The following CADPS variants were observed in gnomAD, a reference collection of about 807,000 sequenced individuals.
CADPS encodes the protein calcium dependent secretion activator, also known as calcium-dependent secretion activator 1.
CADPS carries 57 observed loss-of-function variants against 167.3 expected under a neutral mutation model. The ratio of observed to expected loss-of-function variants is 0.34; its 90% CI spans 0.28 to 0.42. The LOEUF (loss-of-function observed/expected upper bound fraction) is 0.42, where lower values mean the gene tolerates loss of function less well. Among genes scored for constraint, CADPS ranks in the 20% least tolerant of loss-of-function variants. The pLI is 1.00. For missense variants in CADPS, 1,414 were observed against 1,738.1 expected (o/e 0.81, Z 3.32); for synonymous variants, 676 against 635.3 (o/e 1.06, Z -0.96).
chr3:62,521,979 T>C (rs1055098954), intron 13 of CADPS, among the ~76,000 whole-genome samples: 1 of 152,196 alleles, frequency 6.6e-6, no homozygotes, highest in Non-Finnish European at 1.5e-5. Context: ...AAGGCTAGAA[T>C]AAACAGACGG....
chr3:62,402,817 G>A (rs959194052), intron 29 of CADPS, among the ~76,000 whole-genome samples: 1 of 152,174 alleles, frequency 6.6e-6, no homozygotes, highest in Non-Finnish European at 1.5e-5. Context: ...GGACACGATG[G>A]CCTCTGCCGT....
intron 10 of CADPS, among the ~76,000 whole-genome samples, chr3:62,553,117 A>G (rs768684340): frequency 3.0e-4 from 46 of 152,176 alleles, no homozygotes; most frequent in Admixed American, 1.3e-3. Context: ...GTTTTGCTAC[A>G]GTCAGGGAAT....
At chr3:62,852,604 GAA>G (rs368586358) in intron 1 of CADPS, among the ~76,000 whole-genome samples, 2 of 138,640 alleles carry the variant, frequency 1.4e-5, no homozygotes, top group African/African-American at 2.6e-5. Context: ...ATCAAAAAAA[GAA>G]AAAAAAAAAA....
At position 62,753,119 on chromosome 3, in the gene CADPS, TA is replaced by T. The variant is rs1564672471; in HGVS notation, c.888+321del. On this transcript the variant is annotated intron_variant, in intron 3 of 29. Transcript: ENST00000383710. The surrounding 1 kb of genome is among the most constrained non-coding windows in gnomAD (Gnocchi z 4.6). ...ACACCAAAGGCAGAACCATATTTTT[TA>T]AAAAATTGATTTTTAGCACTTTTGA... Among the ~76,000 whole-genome samples the T allele has an allele frequency of 1.3e-5, 2 of 152,242 alleles. No individual in the cohort carries two copies. Among genetic ancestry groups the T allele is most frequent in the African/African-American group, 4.8e-5 (2 of 41,470 alleles).
At chr3:62,810,882 A>C (rs961041014) in intron 1 of CADPS, among the ~76,000 whole-genome samples, 1 of 152,234 alleles carries the variant, frequency 6.6e-6, no homozygotes, top group African/African-American at 2.4e-5. Context: ...GCTGTGCACA[A>C]AGCACAAAGG....
At chr3:62,708,260 G>C (rs1175420367) in intron 3 of CADPS, among the ~76,000 whole-genome samples, 1 of 133,880 alleles carries the variant, frequency 7.5e-6, no homozygotes, top group Admixed American at 7.6e-5. Context: ...AGAAAAAAAA[G>C]CCAGGAAATA....
chr3:62,477,988 G>A (rs1239379666), intron 23 of CADPS: 3 of 408,986 alleles, frequency 7.3e-6, no homozygotes, highest in Non-Finnish European at 1.3e-5. Context: ...TAGATATCAG[G>A]GATACAAAAA....
intron 9 of CADPS, among the ~76,000 whole-genome samples, chr3:62,565,812 C>T (rs182147812): frequency 3.9e-5 from 6 of 152,124 alleles, no homozygotes; most frequent in African/African-American, 9.6e-5. Flanking sequence ...GTAGGAAGTC[C>T]GTTTATAGTC....
chr3:62,508,340 C>G (rs1011178315), intron 17 of CADPS, among the ~76,000 whole-genome samples: 2 of 152,108 alleles, frequency 1.3e-5, no homozygotes, highest in African/African-American at 4.8e-5. Context: ...TGTCAATGAC[C>G]AAGAAACCTC....
At chr3:62,804,036 T>G (rs1416457742) in intron 1 of CADPS, among the ~76,000 whole-genome samples, 1 of 152,094 alleles carries the variant, frequency 6.6e-6, no homozygotes, top group Non-Finnish European at 1.5e-5. Flanking sequence ...ACTGCCTCAG[T>G]AGGACTCTGA....
Position 62,753,915 on chromosome 3 carries a change from C to T in CADPS, c.556-142G>A. The T allele has an allele frequency of 2.8e-6, 2 of 702,590 alleles. No individual in the cohort carries two copies. The highest frequency in any genetic ancestry group is 4.8e-6 in the Non-Finnish European group (2 of 419,210). 43.5% of individuals were successfully genotyped at this position (702,590 alleles called of 1,614,324 possible). A position where few individuals can be genotyped will look rare whatever the true frequency, so the allele number is the denominator to read the frequency against. ...GGGTCTCACCCTGCCCCACCACCTC[C>T]TGGCTGTGCAAACTCAGAGTAGTCT... On this transcript the variant is annotated intron_variant, in intron 2 of 29. Transcript: ENST00000383710. This position sits in a 1 kb window ranked among gnomAD's most constrained non-coding sequence, Gnocchi z 4.6.
Position 62,637,617 on chromosome 3 carries a change from G to A in CADPS, c.1325+8105C>T, listed in dbSNP as rs189800713. On this transcript the variant is annotated intron_variant, in intron 6 of 29. Transcript: ENST00000383710. ...CTGGGTTTTAATCCACAAAACAACC[G>A]AATTTATGGAAAGGAAATGCACGCT... Among the ~76,000 whole-genome samples, 373 of 152,256 alleles carry A rather than the reference G, an allele frequency of 2.4e-3. 1 individual carries two copies. The highest frequency in any genetic ancestry group is 4.4e-3 in the Non-Finnish European group (296 of 68,004).
intron 3 of CADPS, among the ~76,000 whole-genome samples, chr3:62,713,896 T>C (rs149745081): frequency 3.9e-5 from 6 of 152,348 alleles, no homozygotes; most frequent in African/African-American, 1.4e-4. Flanking sequence ...CTGCTACTTA[T>C]AGCCTTATAG....
chr3:62,628,729 T>C (rs55747369), intron 6 of CADPS, among the ~76,000 whole-genome samples: 1,597 of 151,680 alleles, frequency 0.011, 22 homozygotes, highest in African/African-American at 0.036. Flanking sequence ...TGGGTTCAAG[T>C]GATTCCCCTG....
intron 24 of CADPS, among the ~76,000 whole-genome samples, chr3:62,471,753 A>G (rs1185728332): frequency 6.6e-6 from 1 of 152,176 alleles, no homozygotes; most frequent in Non-Finnish European, 1.5e-5. Flanking sequence ...TCTCAAGAAG[A>G]TTTAAGGGGA....
At chr3:62,424,598 CT>C (rs1449483336) in intron 28 of CADPS, among the ~76,000 whole-genome samples, 2 of 152,154 alleles carry the variant, frequency 1.3e-5, no homozygotes, top group African/African-American at 4.8e-5. Context: ...GCTTCAGATG[CT>C]CAATAAGGTG....
chr3:62,815,156 A>G (rs1281262196), intron 1 of CADPS, among the ~76,000 whole-genome samples: 1 of 152,176 alleles, frequency 6.6e-6, no homozygotes, highest in Non-Finnish European at 1.5e-5. Context: ...AGGTAAGTTC[A>G]AGATTAATCA....
chr3:62,700,074 A>G (rs1259832359), intron 3 of CADPS, among the ~76,000 whole-genome samples: 1 of 152,112 alleles, frequency 6.6e-6, no homozygotes, highest in African/African-American at 2.4e-5. Context: ...TATCTCTACC[A>G]TGCTATGGAT....
intron 13 of CADPS, among the ~76,000 whole-genome samples, chr3:62,531,594 G>A (rs1289954515): frequency 6.6e-6 from 1 of 152,200 alleles, no homozygotes; most frequent in Non-Finnish European, 1.5e-5. Context: ...ACACAGTTCT[G>A]ATTTAAAATA....
Sources: gnomAD v4.1 joint callset for allele counts (sites outside exome capture counted in the v4.1 genomes callset) on GRCh38, gnomAD v4.1.1 for gene constraint, Gnocchi (gnomAD v3.1) non-coding constraint, MANE v1.5 for transcripts, NCBI Gene and HGNC (gene_info 2026-07-23, HGNC 2026-07-21) for gene names.